The following EPHA6 variants were observed in gnomAD, a reference collection of about 807,000 sequenced individuals.
The protein encoded by EPHA6 is EPH receptor A6, also known as ephrin type-A receptor 6.
A neutral mutation model predicts 112.0 loss-of-function variants in EPHA6; 50 were observed. The ratio of observed to expected loss-of-function variants is 0.45; its 90% CI spans 0.36 to 0.56. The LOEUF is 0.56. EPHA6 is among the 20% of genes least tolerant of loss of function. The pLI is 0.00. For missense variants in EPHA6, 1,280 were observed against 1,417.4 expected, an observed-to-expected ratio of 0.90 and a Z score of 1.56; for synonymous variants, 529 against 490.7, an observed-to-expected ratio of 1.08 and a Z score of -1.03.
intron 5 of EPHA6, among the ~76,000 whole-genome samples, chr3:97,275,552 A>G (rs539304988): frequency 2.0e-4 from 31 of 152,276 alleles, no homozygotes; most frequent in African/African-American, 6.7e-4. Flanking sequence ...GATAGGCAAA[A>G]CAATTTGGTT....
chr3:97,599,709 C>T (rs2093626911), intron 12 of EPHA6, among the ~76,000 whole-genome samples: 1 of 151,746 alleles, frequency 6.6e-6, no homozygotes, highest in Non-Finnish European at 1.5e-5. Context: ...GTGATGCCTC[C>T]AGCTTTGTTC....
intron 1 of EPHA6, among the ~76,000 whole-genome samples, chr3:96,824,321 C>A (rs886833246): frequency 6.6e-6 from 1 of 151,632 alleles, no homozygotes; most frequent in African/African-American, 2.4e-5. Flanking sequence ...GCCTTAAAAT[C>A]AGATAAAATT....
chr3:97,598,255 T>A (rs961874806), intron 12 of EPHA6, among the ~76,000 whole-genome samples: 3 of 151,912 alleles, frequency 2.0e-5, no homozygotes, highest in African/African-American at 7.3e-5. Flanking sequence ...TTTCAGGTCA[T>A]TTAGTTAAGT....
intron 3 of EPHA6, among the ~76,000 whole-genome samples, chr3:96,998,434 A>G (rs2043505011): frequency 6.6e-6 from 1 of 151,926 alleles, no homozygotes; most frequent in African/African-American, 2.4e-5. Flanking sequence ...TTCTTTTGAT[A>G]AAGTTCTATG....
At chr3:96,936,926 A>G (rs2040620944) in intron 2 of EPHA6, among the ~76,000 whole-genome samples, 1 of 152,336 alleles carries the variant, frequency 6.6e-6, no homozygotes, top group South Asian at 2.1e-4. Flanking sequence ...ATGTCCCTAC[A>G]AAGGCCATGA....
intron 3 of EPHA6, among the ~76,000 whole-genome samples, chr3:97,177,101 T>C (rs1576623480): frequency 6.6e-6 from 1 of 152,028 alleles, no homozygotes; most frequent in South Asian, 2.1e-4. Context: ...ATAAAAGAAT[T>C]TTTCAGTTTT....
At chr3:97,547,755 A>G (rs1437130962) in intron 11 of EPHA6, among the ~76,000 whole-genome samples, 1 of 152,092 alleles carries the variant, frequency 6.6e-6, no homozygotes, top group Non-Finnish European at 1.5e-5. Flanking sequence ...TCAAACAACT[A>G]ACTCAGCAAT....
At chr3:97,632,589 C>T (rs2093912797) in intron 13 of EPHA6, among the ~76,000 whole-genome samples, 1 of 151,940 alleles carries the variant, frequency 6.6e-6, no homozygotes, top group Admixed American at 6.6e-5. Flanking sequence ...CTTGAGGATT[C>T]AGCAAGGGCC....
In EPHA6 at chr3:97,006,191, G is replaced by A. The variant is rs1459284020; in HGVS notation, c.1114+18198G>A. Among the ~76,000 whole-genome samples, 5 of 152,142 alleles carry A rather than the reference G, an allele frequency of 3.3e-5. 1 individual carries two copies. The highest frequency in any genetic ancestry group is 1.2e-4 in the African/African-American group (5 of 41,430). ...TGTTTGGAATAATTTCAGAAGGAAT[G>A]GTCCCAGCTCCTCTTTGTATTTCTG... On this transcript the variant is annotated intron_variant, in intron 3 of 17. Coordinates refer to ENST00000389672, the MANE Select transcript of EPHA6 (RefSeq NM_001080448.3).
At chr3:97,558,153 A>C (rs2093139733) in intron 11 of EPHA6, among the ~76,000 whole-genome samples, 1 of 152,018 alleles carries the variant, frequency 6.6e-6, no homozygotes, top group South Asian at 2.1e-4. Flanking sequence ...AAACATAGGC[A>C]TGGGTAGAGG....
chr3:97,399,270 G>A (rs2086854151), intron 5 of EPHA6, among the ~76,000 whole-genome samples: 1 of 151,494 alleles, frequency 6.6e-6, no homozygotes, highest in Non-Finnish European at 1.5e-5. Context: ...ATAAATGACA[G>A]AAATTCATTC....
intron 2 of EPHA6, among the ~76,000 whole-genome samples, chr3:96,947,194 A>G (rs2041310000): frequency 6.6e-6 from 1 of 151,832 alleles, no homozygotes; most frequent in Admixed American, 6.6e-5. Context: ...ATTAGATCCC[A>G]TTTGTCAGTT....
At chr3:97,648,248 C>T in intron 14 of EPHA6, 1 of 810,670 alleles carries the variant, frequency 1.2e-6, no homozygotes, top group East Asian at 2.5e-5. Flanking sequence ...AATTACAGTT[C>T]TGTTAACATC....
chr3:97,586,842 G>T (rs1263446097), intron 11 of EPHA6, among the ~76,000 whole-genome samples: 1 of 152,116 alleles, frequency 6.6e-6, no homozygotes, highest in African/African-American at 2.4e-5. Context: ...TTATCTTTGC[G>T]CTTTGAAGTT....
intron 3 of EPHA6, among the ~76,000 whole-genome samples, chr3:97,175,290 G>C (rs1284813260): frequency 2.0e-5 from 3 of 151,818 alleles, no homozygotes; most frequent in African/African-American, 7.2e-5. Context: ...TGCTGTTTTG[G>C]TTACTATAGC....
chr3:96,967,495 T>C (rs1390401571), intron 2 of EPHA6, among the ~76,000 whole-genome samples: 1 of 151,946 alleles, frequency 6.6e-6, no homozygotes, highest in East Asian at 1.9e-4. Flanking sequence ...TATCTCATGA[T>C]AAAATTCTAG....
At chr3:97,531,779 A>C (rs963351263) in intron 10 of EPHA6, among the ~76,000 whole-genome samples, 2 of 152,082 alleles carry the variant, frequency 1.3e-5, no homozygotes, top group Non-Finnish European at 2.9e-5. Context: ...ATGCTGAAAC[A>C]TATCTCATCT....
intron 5 of EPHA6, among the ~76,000 whole-genome samples, chr3:97,330,974 A>C (rs1192204154): frequency 6.6e-6 from 1 of 152,180 alleles, no homozygotes; most frequent in Non-Finnish European, 1.5e-5. Context: ...CACCTATTCC[A>C]AAATTGACCA....
At chr3:97,310,242 G>A (rs1432023740) in intron 5 of EPHA6, among the ~76,000 whole-genome samples, 4 of 151,388 alleles carry the variant, frequency 2.6e-5, no homozygotes, top group African/African-American at 9.7e-5. Context: ...TTCAATAAAA[G>A]AAATACTTTC....
Sources: allele counts gnomAD v4.1 joint callset (sites outside exome capture counted in the v4.1 genomes callset), GRCh38; gene constraint gnomAD v4.1.1; transcripts MANE v1.5; gene names NCBI Gene and HGNC (gene_info 2026-07-23, HGNC 2026-07-21).